Variants in SNX29 observed in about 807,000 individuals in gnomAD.
SNX29 encodes sorting nexin 29.
A neutral mutation model predicts 102.1 loss-of-function variants in SNX29; 78 were observed. The ratio of observed to expected loss-of-function variants is 0.76; its 90% CI spans 0.64 to 0.92. SNX29 has a LOEUF of 0.92. Ranked by LOEUF, SNX29 falls within the 40% of genes least tolerant of loss-of-function variation. The pLI is 0.00. For synonymous variants in SNX29, 580 were observed against 414.5 expected (o/e 1.40, Z -4.85); for missense variants, 1,280 against 1,061.7 (o/e 1.21, Z -2.86).
intron 18 of SNX29, among the ~76,000 whole-genome samples, chr16:12,427,517 G>A (rs2085131042): frequency 6.6e-6 from 1 of 152,056 alleles, no homozygotes; most frequent in Admixed American, 6.5e-5. Context: ...AGTAATTGGG[G>A]AACTGATAAA....
intron 11 of SNX29, among the ~76,000 whole-genome samples, chr16:12,111,683 A>G (rs539654759): frequency 1.3e-5 from 2 of 152,262 alleles, no homozygotes; most frequent in East Asian, 3.9e-4. Flanking sequence ...TGTGATGGAG[A>G]GATCACCTAG....
At chr16:11,977,548 T>C in intron 1 of SNX29, 1 of 152,816 alleles carries the variant, frequency 6.5e-6, no homozygotes, top group Non-Finnish European at 1.5e-5. Context: ...TCTTGCCTTG[T>C]CCTGCAGCCC....
intron 11 of SNX29, chr16:12,087,161 G>C (rs1447142471): frequency 6.5e-6 from 1 of 153,296 alleles, no homozygotes; most frequent in African/African-American, 2.4e-5. Context: ...GTGGGAGGCT[G>C]AGGTGGGTAG....
At chr16:12,231,081 G>C (rs1253824606) in intron 14 of SNX29, among the ~76,000 whole-genome samples, 1 of 152,074 alleles carries the variant, frequency 6.6e-6, no homozygotes, top group Non-Finnish European at 1.5e-5. Flanking sequence ...CCGAACTCCT[G>C]ACCTAAGGTG....
At chr16:12,011,822 T>G (rs2056663496) in intron 3 of SNX29, among the ~76,000 whole-genome samples, 1 of 152,122 alleles carries the variant, frequency 6.6e-6, no homozygotes, top group Admixed American at 6.5e-5. Context: ...ACTTAGCTCC[T>G]TTAAACCTCG....
chr16:12,535,595 C>T (rs577929031), intron 20 of SNX29, among the ~76,000 whole-genome samples: 4 of 152,100 alleles, frequency 2.6e-5, no homozygotes, highest in African/African-American at 9.7e-5. Flanking sequence ...GATTGGCAAG[C>T]CTCTACCCTT....
intron 3 of SNX29, among the ~76,000 whole-genome samples, chr16:12,020,929 G>T (rs1408397822): frequency 6.6e-6 from 1 of 152,128 alleles, no homozygotes; most frequent in African/African-American, 2.4e-5. Flanking sequence ...CAGCCTCATG[G>T]CCCATTTCAA....
rs547136066 is a variant in SNX29, at chr16:12,539,667, C to A, written c.2318+14826C>A. 2.0e-4 allele frequency among the ~76,000 whole-genome samples: 31 copies of A among 152,278 alleles called. No homozygotes were observed. The Middle Eastern group carries it at 0.01, about 50-fold the overall frequency. ...CTGCATTCCCACAGCGTATGAGGGGCCCAGTTGCTCTGCACCCTGGGCAGC... is the reference window on the plus strand; with the variant it reads ...CTGCATTCCCACAGCGTATGAGGGGACCAGTTGCTCTGCACCCTGGGCAGC... On this transcript the variant is annotated intron_variant, in intron 20 of 20. Coordinates refer to ENST00000566228, the MANE Select transcript of SNX29 (RefSeq NM_032167.5).
At position 12,307,278 on chromosome 16, in the gene SNX29, G is replaced by T. The variant is rs368141210; in HGVS notation, c.1782+29242G>T. On this transcript the variant is annotated intron_variant, in intron 15 of 20. Transcript: ENST00000566228. ...GCCATCTGCATATGATCACGAGGATGAATGGTTTTACATGCAGGTGCCTGG... is the reference window on the plus strand; with the variant it reads ...GCCATCTGCATATGATCACGAGGATTAATGGTTTTACATGCAGGTGCCTGG... 2.6e-5 allele frequency among the ~76,000 whole-genome samples: 4 copies of T among 152,332 alleles called. No homozygotes were observed. The East Asian group carries it at 7.7e-4, about 29-fold the overall frequency.
At chr16:12,036,840 G>A (rs2057490172) in intron 4 of SNX29, among the ~76,000 whole-genome samples, 1 of 151,952 alleles carries the variant, frequency 6.6e-6, no homozygotes, top group Non-Finnish European at 1.5e-5. Flanking sequence ...TATTTCCTGT[G>A]GTTGCAAATG....
intron 15 of SNX29, among the ~76,000 whole-genome samples, chr16:12,316,253 C>G (rs2080731884): frequency 6.6e-6 from 1 of 152,176 alleles, no homozygotes; most frequent in Non-Finnish European, 1.5e-5. Context: ...CTTGTCTAAA[C>G]TAGCATCAGA....
At chr16:12,559,828 T>C (rs529558766) in intron 20 of SNX29, among the ~76,000 whole-genome samples, 1 of 152,298 alleles carries the variant, frequency 6.6e-6, no homozygotes, top group South Asian at 2.1e-4. Context: ...TCATCATCTC[T>C]GGCATTCTAA....
chr16:12,005,383 G>T (rs571677754), intron 3 of SNX29, among the ~76,000 whole-genome samples: 1 of 152,162 alleles, frequency 6.6e-6, no homozygotes, highest in Non-Finnish European at 1.5e-5. Context: ...GCATGAGTGT[G>T]TGTGTGTATG....
intron 4 of SNX29, among the ~76,000 whole-genome samples, chr16:12,037,646 C>G (rs2453121): frequency 6.6e-6 from 1 of 152,054 alleles, no homozygotes; most frequent in African/African-American, 2.4e-5. Flanking sequence ...AAGCGGGGTG[C>G]TCTTACTAGA....
intron 15 of SNX29, among the ~76,000 whole-genome samples, chr16:12,344,444 G>T (rs2081719695): frequency 1.3e-5 from 2 of 152,156 alleles, no homozygotes; most frequent in Non-Finnish European, 2.9e-5. Flanking sequence ...AACCATGAGG[G>T]CAAGAGTCTC....
intron 18 of SNX29, among the ~76,000 whole-genome samples, chr16:12,440,319 C>T (rs547536822): frequency 2.0e-5 from 3 of 152,320 alleles, no homozygotes; most frequent in South Asian, 4.1e-4. Flanking sequence ...ACCATCACCA[C>T]TCTAATTCCA....
At chr16:12,412,292 T>A (rs1218007990) in intron 18 of SNX29, among the ~76,000 whole-genome samples, 1 of 152,184 alleles carries the variant, frequency 6.6e-6, no homozygotes, top group Non-Finnish European at 1.5e-5. Flanking sequence ...TCCCTCTGGG[T>A]CATGCACAAG....
At chr16:12,481,771 G>A (rs2087947413) in intron 19 of SNX29, among the ~76,000 whole-genome samples, 1 of 152,208 alleles carries the variant, frequency 6.6e-6, no homozygotes, top group African/African-American at 2.4e-5. Flanking sequence ...CTGATCTCAA[G>A]TGATCCTCCC....
At chr16:12,559,730 G>T (rs2078606163) in intron 20 of SNX29, among the ~76,000 whole-genome samples, 1 of 152,070 alleles carries the variant, frequency 6.6e-6, no homozygotes, top group Non-Finnish European at 1.5e-5. Context: ...CCAAGAAATA[G>T]ATGAAATAGT....
Sources: gnomAD v4.1 joint callset for allele counts (sites outside exome capture counted in the v4.1 genomes callset) on GRCh38, gnomAD v4.1.1 for gene constraint, MANE v1.5 for transcripts, NCBI Gene and HGNC (gene_info 2026-07-23, HGNC 2026-07-21) for gene names.